The following ARHGAP15 variants were observed in gnomAD, a reference collection of about 807,000 sequenced individuals.
ARHGAP15 encodes rho GTPase-activating protein 15.
ARHGAP15 carries 51 observed loss-of-function variants against 63.7 expected under a neutral mutation model. The ratio of observed to expected loss-of-function variants is 0.80; its 90% CI spans 0.64 to 1.01. ARHGAP15 has a LOEUF of 1.01. Among genes scored for constraint, ARHGAP15 ranks in the 50% least tolerant of loss-of-function variants. The pLI, the probability that ARHGAP15 is intolerant of heterozygous loss-of-function variation, is 0.00. For synonymous variants in ARHGAP15, 191 were observed against 193.8 expected (o/e 0.99, Z 0.12); for missense variants, 560 against 564.6 (o/e 0.99, Z 0.08).
chr2:143,152,150 A>G (rs827228), intron 1 of ARHGAP15, among the ~76,000 whole-genome samples: 100,411 of 151,814 alleles, frequency 0.66, 33,744 homozygotes, highest in East Asian at 0.92. Context: ...TCAATCATTC[A>G]GCCAGATGAA....
chr2:143,411,012 C>T (rs1365849472), intron 6 of ARHGAP15, among the ~76,000 whole-genome samples: 5 of 152,038 alleles, frequency 3.3e-5, no homozygotes, highest in African/African-American at 1.2e-4. Flanking sequence ...ACGAACCAGC[C>T]TGACCAACAT....
At chr2:143,675,429 G>A (rs1468769397) in intron 12 of ARHGAP15, among the ~76,000 whole-genome samples, 1 of 152,074 alleles carries the variant, frequency 6.6e-6, no homozygotes, top group African/African-American at 2.4e-5. Context: ...CTTTCAATAA[G>A]GCTTTCAATT....
At chr2:143,162,972 C>G (rs1013408248) in intron 2 of ARHGAP15, among the ~76,000 whole-genome samples, 1 of 151,890 alleles carries the variant, frequency 6.6e-6, no homozygotes, top group Admixed American at 6.6e-5. Context: ...TTTATTTATG[C>G]CTGTATGTCT....
intron 13 of ARHGAP15, among the ~76,000 whole-genome samples, chr2:143,727,493 ACT>A (rs1685334879): frequency 6.6e-6 from 1 of 152,232 alleles, no homozygotes; most frequent in African/African-American, 2.4e-5. Context: ...TATCTGATGT[ACT>A]GTTTTTTGCA....
At chr2:143,412,187 G>T (rs1688475664) in intron 6 of ARHGAP15, among the ~76,000 whole-genome samples, 1 of 152,148 alleles carries the variant, frequency 6.6e-6, no homozygotes, top group Non-Finnish European at 1.5e-5. Flanking sequence ...AACGGAGGCA[G>T]GTGGAACAGT....
At chr2:143,250,685 G>A in intron 6 of ARHGAP15, 85 bp downstream of exon 6, 1 of 1,072,762 alleles carries the variant, frequency 9.3e-7, no homozygotes, top group South Asian at 1.4e-5. Flanking sequence ...CTACCTTCTT[G>A]TGATGTGCTC....
intron 12 of ARHGAP15, among the ~76,000 whole-genome samples, chr2:143,678,575 G>T (rs1433612233): frequency 6.6e-6 from 1 of 152,126 alleles, no homozygotes; most frequent in African/African-American, 2.4e-5. Context: ...CTACATAGGT[G>T]TCCTGGTCAA....
chr2:143,262,295 A>C (rs1240775530), intron 6 of ARHGAP15, among the ~76,000 whole-genome samples: 1 of 152,198 alleles, frequency 6.6e-6, no homozygotes, highest in Non-Finnish European at 1.5e-5. Flanking sequence ...CATGTCTTCA[A>C]AATGATGGCT....
At chr2:143,641,372 C>T (rs113765468) in intron 12 of ARHGAP15, 2 of 151,870 alleles carry the variant, frequency 1.3e-5, no homozygotes, top group African/African-American at 4.8e-5. Context: ...TTCTAATATC[C>T]ACAAGTAAAA....
At chr2:143,574,677 A>C (rs576584396) in intron 11 of ARHGAP15, among the ~76,000 whole-genome samples, 1 of 152,246 alleles carries the variant, frequency 6.6e-6, no homozygotes, top group East Asian at 1.9e-4. Context: ...TAAAAGCATG[A>C]AAAAATATAG....
At chr2:143,440,888 A>G (rs889390240) in intron 8 of ARHGAP15, among the ~76,000 whole-genome samples, 1 of 152,152 alleles carries the variant, frequency 6.6e-6, no homozygotes, top group African/African-American at 2.4e-5. Context: ...CTCTGAGGAA[A>G]GAGAATTGTC....
intron 13 of ARHGAP15, among the ~76,000 whole-genome samples, chr2:143,715,492 C>T (rs942289828): frequency 6.6e-6 from 1 of 152,186 alleles, no homozygotes; most frequent in Non-Finnish European, 1.5e-5. Context: ...TCTCCCCTCA[C>T]CTGATATTTT....
At chr2:143,292,480 C>T (rs73962393) in intron 6 of ARHGAP15, among the ~76,000 whole-genome samples, 3 of 152,018 alleles carry the variant, frequency 2.0e-5, no homozygotes, top group African/African-American at 7.2e-5. Context: ...TGTAAATATG[C>T]ATAGTTCAAA....
At chr2:143,420,277 G>T (rs1558959413) in intron 6 of ARHGAP15, among the ~76,000 whole-genome samples, 1 of 152,160 alleles carries the variant, frequency 6.6e-6, no homozygotes, top group Non-Finnish European at 1.5e-5. Context: ...GGAAAATAAT[G>T]ACATGGGGAA....
intron 6 of ARHGAP15, among the ~76,000 whole-genome samples, chr2:143,361,007 C>T (rs1281347285): frequency 6.8e-6 from 1 of 147,926 alleles, no homozygotes; most frequent in Non-Finnish European, 1.5e-5. Flanking sequence ...TTTTGTAACA[C>T]CGTCCATGTC....
chr2:143,362,722 T>G (rs1686116729), intron 6 of ARHGAP15, among the ~76,000 whole-genome samples: 1 of 152,210 alleles, frequency 6.6e-6, no homozygotes, highest in Non-Finnish European at 1.5e-5. Flanking sequence ...AATGAACTAC[T>G]CTAACTACTT....
At chr2:143,758,536 C>T (rs553739206) in intron 13 of ARHGAP15, among the ~76,000 whole-genome samples, 1 of 152,024 alleles carries the variant, frequency 6.6e-6, no homozygotes, top group African/African-American at 2.4e-5. Flanking sequence ...GGAAAGAGGG[C>T]AGGAGATATT....
chr2:143,514,791 G>A (rs1272424826), intron 9 of ARHGAP15, among the ~76,000 whole-genome samples: 1 of 152,126 alleles, frequency 6.6e-6, no homozygotes, highest in Non-Finnish European at 1.5e-5. Context: ...GTATTCTGGA[G>A]CCCAGGCTGA....
At chr2:143,728,318 C>T (rs1333363144) in intron 13 of ARHGAP15, among the ~76,000 whole-genome samples, 1 of 152,086 alleles carries the variant, frequency 6.6e-6, no homozygotes, top group African/African-American at 2.4e-5. Context: ...GATTAAAATC[C>T]ACCCTAATGG....
Sources: allele counts gnomAD v4.1 joint callset (sites outside exome capture counted in the v4.1 genomes callset), GRCh38; gene constraint gnomAD v4.1.1; transcripts MANE v1.5; gene names NCBI Gene and HGNC (gene_info 2026-07-23, HGNC 2026-07-21).